The following PCDH9 variants were observed in gnomAD, a reference collection of about 807,000 sequenced individuals.
PCDH9 encodes protocadherin 9.
Under a neutral mutation model 70.6 loss-of-function variants are expected in PCDH9, and 24 were observed. The ratio of observed to expected loss-of-function variants is 0.34; its 90% CI spans 0.25 to 0.48. The LOEUF is 0.48. Ranked by LOEUF, PCDH9 falls within the 20% of genes least tolerant of loss-of-function variation. The pLI, the probability that PCDH9 is intolerant of heterozygous loss-of-function variation, is 0.99. For missense variants in PCDH9, 1,281 were observed against 1,503.6 expected (o/e 0.85, Z 2.45); for synonymous variants, 562 against 558.5 (o/e 1.01, Z -0.09).
intron 4 of PCDH9, among the ~76,000 whole-genome samples, chr13:66,539,715 C>T (rs1450057500): frequency 6.6e-6 from 1 of 151,976 alleles, no homozygotes; most frequent in Non-Finnish European, 1.5e-5. Flanking sequence ...AACTGATAAA[C>T]ATACTTGCAT....
intron 4 of PCDH9, among the ~76,000 whole-genome samples, chr13:66,586,417 C>T (rs2076964308): frequency 6.6e-6 from 1 of 152,062 alleles, no homozygotes; most frequent in South Asian, 2.1e-4. Flanking sequence ...TATATGCATT[C>T]CTGAGAAAAG....
chr13:66,992,013 T>G (rs1318151596), intron 2 of PCDH9, among the ~76,000 whole-genome samples: 1 of 152,112 alleles, frequency 6.6e-6, no homozygotes, highest in African/African-American at 2.4e-5. Flanking sequence ...TAAGTCTGTA[T>G]TTGATAGAAT....
In PCDH9 at chr13:67,076,822, T is replaced by C. The variant is rs181046014; in HGVS notation, c.3036+148583A>G. Among the ~76,000 whole-genome samples, 43 of 152,272 alleles carry C rather than the reference T, an allele frequency of 2.8e-4. No individual in the cohort carries two copies. The East Asian group carries it at 6.8e-3, about 24-fold the overall frequency. On this transcript the variant is annotated intron_variant, in intron 2 of 4. Transcript: ENST00000377865. ...GCCCCACTCAATGGAATGCACAATA[T>C]AGTTTAATTTTCCTATTTGAAGTAA...
At chr13:67,198,066 G>A (rs2089118597) in intron 2 of PCDH9, among the ~76,000 whole-genome samples, 1 of 151,352 alleles carries the variant, frequency 6.6e-6, no homozygotes, top group African/African-American at 2.4e-5. Flanking sequence ...ATAGAATATA[G>A]TTGTTCAATG....
intron 3 of PCDH9, among the ~76,000 whole-genome samples, chr13:66,830,696 A>G (rs1682923966): frequency 6.6e-6 from 1 of 152,154 alleles, no homozygotes; most frequent in Non-Finnish European, 1.5e-5. Context: ...AGCTATTTCA[A>G]TTTAACCATG....
intron 2 of PCDH9, among the ~76,000 whole-genome samples, chr13:66,924,874 A>G (rs2139649691): frequency 6.6e-6 from 1 of 151,946 alleles, no homozygotes; most frequent in East Asian, 1.9e-4. Flanking sequence ...AGAAGGCAAT[A>G]TTCCACAGGG....
At chr13:66,470,800 T>A (rs1958604394) in intron 4 of PCDH9, among the ~76,000 whole-genome samples, 1 of 151,708 alleles carries the variant, frequency 6.6e-6, no homozygotes, top group South Asian at 2.1e-4. Flanking sequence ...CTGGGATCAA[T>A]TCTACCTAAT....
chr13:66,849,664 T>A (rs2081283121), intron 3 of PCDH9, among the ~76,000 whole-genome samples: 1 of 151,738 alleles, frequency 6.6e-6, no homozygotes, highest in Non-Finnish European at 1.5e-5. Flanking sequence ...CAGGGAAGAA[T>A]GTGTGATTAA....
intron 2 of PCDH9, among the ~76,000 whole-genome samples, chr13:67,167,226 C>G (rs541819815): frequency 6.6e-6 from 1 of 152,124 alleles, no homozygotes; most frequent in African/African-American, 2.4e-5. Flanking sequence ...AATATGGGGT[C>G]AGGCTACATA....
chr13:67,204,974 T>C (rs988219409), intron 2 of PCDH9: 1 of 152,204 alleles, frequency 6.6e-6, no homozygotes, highest in Non-Finnish European at 1.5e-5. Flanking sequence ...CTTTTATGTT[T>C]GGTCTAATTA....
At chr13:66,991,944 T>A (rs1430407556) in intron 2 of PCDH9, among the ~76,000 whole-genome samples, 1 of 152,142 alleles carries the variant, frequency 6.6e-6, no homozygotes, top group African/African-American at 2.4e-5. Flanking sequence ...ATTATTGTGT[T>A]TAAGTATATG....
chr13:67,064,089 A>T (rs1327973625), intron 2 of PCDH9, among the ~76,000 whole-genome samples: 1 of 152,088 alleles, frequency 6.6e-6, no homozygotes, highest in African/African-American at 2.4e-5. Context: ...TCTGGTCCCA[A>T]CTGTTAAAGT....
intron 4 of PCDH9, among the ~76,000 whole-genome samples, chr13:66,414,471 A>G (rs1957428366): frequency 6.6e-6 from 1 of 152,194 alleles, no homozygotes; most frequent in South Asian, 2.1e-4. Flanking sequence ...TTCATTTTAG[A>G]AAGCTTAGGA....
chr13:66,327,252 T>C (rs1955864797), intron 4 of PCDH9, among the ~76,000 whole-genome samples: 1 of 152,182 alleles, frequency 6.6e-6, no homozygotes, highest in Non-Finnish European at 1.5e-5. Context: ...CAGGGATCTT[T>C]TGTTGCTTTG....
intron 2 of PCDH9, among the ~76,000 whole-genome samples, chr13:66,916,853 A>G (rs1165342333): frequency 6.6e-6 from 1 of 151,588 alleles, no homozygotes; most frequent in Non-Finnish European, 1.5e-5. Context: ...AGAGCTAAAC[A>G]CAATAAGGGA....
chr13:66,325,621 G>T (rs1296202064), intron 4 of PCDH9, among the ~76,000 whole-genome samples: 1 of 151,976 alleles, frequency 6.6e-6, no homozygotes, highest in Non-Finnish European at 1.5e-5. Flanking sequence ...TAGACTAATG[G>T]TACTTAAGAA....
At chr13:66,425,608 CTT>C (rs1723890137) in intron 4 of PCDH9, among the ~76,000 whole-genome samples, 1 of 151,174 alleles carries the variant, frequency 6.6e-6, no homozygotes, top group African/African-American at 2.4e-5. Flanking sequence ...CCGGAGTTCT[CTT>C]ATAAAATCCT....
At chr13:66,609,326 A>C (rs891419426) in intron 4 of PCDH9, among the ~76,000 whole-genome samples, 7 of 152,022 alleles carry the variant, frequency 4.6e-5, no homozygotes, top group Non-Finnish European at 8.8e-5. Flanking sequence ...AAAGTAAGTT[A>C]ATATAAATAT....
chr13:66,740,505 G>A (rs1304427672), intron 3 of PCDH9, among the ~76,000 whole-genome samples: 2 of 136,148 alleles, frequency 1.5e-5, no homozygotes, highest in African/African-American at 5.3e-5. Flanking sequence ...CAGAACTGAA[G>A]GAAATAGAGA....
Sources: gnomAD v4.1 joint callset for allele counts (sites outside exome capture counted in the v4.1 genomes callset) on GRCh38, gnomAD v4.1.1 for gene constraint, MANE v1.5 for transcripts, NCBI Gene and HGNC (gene_info 2026-07-23, HGNC 2026-07-21) for gene names.